Variants in NCALD observed in about 807,000 individuals in gnomAD.
NCALD encodes the protein neurocalcin delta.
A neutral mutation model predicts 18.6 loss-of-function variants in NCALD; 10 were observed. The observed-to-expected ratio is 0.54, with a 90% CI of 0.33 to 0.91. The LOEUF (loss-of-function observed/expected upper bound fraction) is 0.91, where lower values mean the gene tolerates loss of function less well. Ranked by LOEUF, NCALD falls within the 40% of genes least tolerant of loss-of-function variation. The pLI is 0.03. For synonymous variants in NCALD, 88 were observed against 87.4 expected (o/e 1.01, Z -0.04); for missense variants, 184 against 247.6 (o/e 0.74, Z 1.72).
chr8:101,972,293 C>G (rs148584121), intron 2 of NCALD, among the ~76,000 whole-genome samples: 2 of 152,282 alleles, frequency 1.3e-5, no homozygotes, highest in African/African-American at 4.8e-5. Context: ...CACAGTTGGA[C>G]TCTGGACGGG....
chr8:101,965,185 C>T (rs1471245676), intron 2 of NCALD, among the ~76,000 whole-genome samples: 1 of 152,130 alleles, frequency 6.6e-6, no homozygotes, highest in Non-Finnish European at 1.5e-5. Flanking sequence ...ATTAGTTCAA[C>T]CATTGTGGAA....
At chr8:101,864,293 A>G (rs1054678765) in intron 4 of NCALD, among the ~76,000 whole-genome samples, 1 of 152,200 alleles carries the variant, frequency 6.6e-6, no homozygotes, top group Non-Finnish European at 1.5e-5. Flanking sequence ...TCGACACACA[A>G]GGATATCAAC....
chr8:101,958,340 T>C (rs1048592081), intron 2 of NCALD, among the ~76,000 whole-genome samples: 1 of 152,106 alleles, frequency 6.6e-6, no homozygotes, highest in African/African-American at 2.4e-5. Flanking sequence ...CCCTGTTACC[T>C]TAATCTCATA....
intron 4 of NCALD, among the ~76,000 whole-genome samples, chr8:101,818,883 T>C (rs1327771951): frequency 6.6e-6 from 1 of 152,074 alleles, no homozygotes; most frequent in Admixed American, 6.6e-5. Context: ...CACATGCCTG[T>C]AATCCCAGCT....
chr8:101,704,900 C>A (rs1815436261), intron 2 of NCALD, among the ~76,000 whole-genome samples: 1 of 145,408 alleles, frequency 6.9e-6, no homozygotes, highest in African/African-American at 2.6e-5. Flanking sequence ...GCCTAGGCGA[C>A]AAGAGCGAAA....
intron 4 of NCALD, among the ~76,000 whole-genome samples, chr8:101,863,533 G>T (rs1040035719): frequency 6.6e-6 from 1 of 151,912 alleles, no homozygotes; most frequent in Non-Finnish European, 1.5e-5. Context: ...ATTTAGGCTG[G>T]CATTCCATTC....
At chr8:102,029,010 C>G (rs747039866) in intron 1 of NCALD, 2 of 152,080 alleles carry the variant, frequency 1.3e-5, no homozygotes, top group African/African-American at 4.8e-5. Flanking sequence ...AAGACATTAC[C>G]TGGGAATTCG....
rs11433689 is a variant in NCALD at position 101,949,775 on chromosome 8, C to CAA, written c.-156-33919_-156-33918dup. ...ATGATCCTTATGCCCCAGGTTGAGA[C>CAA]AAAAAAAAAAATCAGGTGATATTAT... On this transcript the variant is annotated intron_variant, in intron 2 of 6. Transcript: ENST00000311028. Among the ~76,000 whole-genome samples, 633 of 148,386 alleles carry CAA rather than the reference C, an allele frequency of 4.3e-3. 2 individuals carry two copies. The highest frequency in any genetic ancestry group is 7.0e-3 in the Non-Finnish European group (467 of 66,800).
At chr8:101,978,562 T>C (rs1034120536) in intron 2 of NCALD, among the ~76,000 whole-genome samples, 1 of 152,208 alleles carries the variant, frequency 6.6e-6, no homozygotes, top group Non-Finnish European at 1.5e-5. Context: ...ATCTGCCTGA[T>C]TCTACAGCCC....
chr8:101,958,260 C>A (rs930761264), intron 2 of NCALD, among the ~76,000 whole-genome samples: 1 of 152,160 alleles, frequency 6.6e-6, no homozygotes, highest in African/African-American at 2.4e-5. Flanking sequence ...CTGGTCAAAT[C>A]ACACAATTAC....
intron 2 of NCALD, among the ~76,000 whole-genome samples, chr8:101,935,458 TAA>T (rs1818726512): frequency 6.6e-6 from 1 of 152,176 alleles, no homozygotes; most frequent in Non-Finnish European, 1.5e-5. Context: ...ATCCTATAAC[TAA>T]AGAGTTTACA....
chr8:101,745,406 A>G (rs1810387250), intron 1 of NCALD, among the ~76,000 whole-genome samples: 1 of 152,154 alleles, frequency 6.6e-6, no homozygotes, highest in African/African-American at 2.4e-5. Flanking sequence ...TTTTCTTTTC[A>G]TTTCCCAGCT....
At chr8:101,923,044 C>T (rs1294240476) in intron 2 of NCALD, among the ~76,000 whole-genome samples, 1 of 152,060 alleles carries the variant, frequency 6.6e-6, no homozygotes, top group Non-Finnish European at 1.5e-5. Flanking sequence ...ATCATGAGGG[C>T]TCATCCCTCA....
intron 2 of NCALD, among the ~76,000 whole-genome samples, chr8:101,985,668 T>C (rs1375162488): frequency 1.3e-5 from 2 of 152,218 alleles, no homozygotes; most frequent in Non-Finnish European, 2.9e-5. Flanking sequence ...TGAACATTAA[T>C]GTTGCTGGGA....
intron 1 of NCALD, among the ~76,000 whole-genome samples, chr8:101,780,592 A>G (rs28433593): frequency 0.029 from 4,402 of 152,138 alleles, 213 homozygotes; most frequent in African/African-American, 0.1. Context: ...AGTGAGTTTA[A>G]TGGGGTTGGA....
At chr8:101,911,361 CTTTT>C (rs56017823) in intron 3 of NCALD, among the ~76,000 whole-genome samples, 1 of 137,706 alleles carries the variant, frequency 7.3e-6, no homozygotes, top group Non-Finnish European at 1.6e-5. Context: ...TTTTTCTTTT[CTTTT>C]TTTTTTTTTT....
intron 4 of NCALD, among the ~76,000 whole-genome samples, chr8:101,855,720 G>T (rs1815289895): frequency 6.6e-6 from 1 of 152,068 alleles, no homozygotes; most frequent in African/African-American, 2.4e-5. Flanking sequence ...TGACATTATG[G>T]GTGAAGAGAA....
At chr8:101,779,067 C>CCA (rs1811909356) in intron 1 of NCALD, among the ~76,000 whole-genome samples, 1 of 152,018 alleles carries the variant, frequency 6.6e-6, no homozygotes, top group South Asian at 2.1e-4. Context: ...GAAACAAAGT[C>CCA]CATAAAATTG....
intron 1 of NCALD, among the ~76,000 whole-genome samples, chr8:102,040,471 C>CAAA (rs60568830): frequency 4.1e-4 from 56 of 135,740 alleles, no homozygotes; most frequent in African/African-American, 1.5e-3. Context: ...GAGAATCCAT[C>CAAA]AAAAAAAAAA....
Sources: allele counts gnomAD v4.1 joint callset (sites outside exome capture counted in the v4.1 genomes callset), GRCh38; gene constraint gnomAD v4.1.1; transcripts MANE v1.5; gene names NCBI Gene and HGNC (gene_info 2026-07-23, HGNC 2026-07-21).